GRM5: variants seen among roughly 807,000 people sequenced by gnomAD.
GRM5 encodes glutamate metabotropic receptor 5, also known as metabotropic glutamate receptor 5.
GRM5 carries 19 observed loss-of-function variants against 83.1 expected under a neutral mutation model. The ratio of observed to expected loss-of-function variants is 0.23; its 90% CI spans 0.16 to 0.34. The LOEUF is 0.34. Among genes scored for constraint, GRM5 ranks in the 10% least tolerant of loss-of-function variants. GRM5 has a pLI of 1.00. For missense variants in GRM5, 1,160 were observed against 1,588.3 expected, an observed-to-expected ratio of 0.73 and a Z score of 4.58; for synonymous variants, 675 against 633.6, an observed-to-expected ratio of 1.07 and a Z score of -0.98.
chr11:88,648,653 T>C (rs1235476856), intron 4 of GRM5, among the ~76,000 whole-genome samples: 2 of 148,444 alleles, frequency 1.3e-5, no homozygotes, highest in Non-Finnish European at 3.0e-5. Flanking sequence ...TAAAGTATAA[T>C]AAAAAAAAAA....
intron 4 of GRM5, among the ~76,000 whole-genome samples, chr11:88,644,536 A>C (rs1053416548): frequency 6.6e-6 from 1 of 152,180 alleles, no homozygotes; most frequent in Non-Finnish European, 1.5e-5. Flanking sequence ...TTGTTGATGT[A>C]ATACAGCAAG....
At chr11:88,889,197 T>C (rs1945096221) in intron 2 of GRM5, among the ~76,000 whole-genome samples, 1 of 152,168 alleles carries the variant, frequency 6.6e-6, no homozygotes, top group Non-Finnish European at 1.5e-5. Context: ...GATTTTAATC[T>C]TGTGGCTAGT....
chr11:88,956,136 T>A (rs1235536663), intron 2 of GRM5, among the ~76,000 whole-genome samples: 1 of 152,112 alleles, frequency 6.6e-6, no homozygotes, highest in Non-Finnish European at 1.5e-5. Flanking sequence ...AAGCTTAGAG[T>A]AGCAGATTGG....
chr11:88,514,839 A>G (rs1230042508), intron 9 of GRM5, among the ~76,000 whole-genome samples: 2 of 152,168 alleles, frequency 1.3e-5, no homozygotes, highest in African/African-American at 4.8e-5. Context: ...ATCTCAATTA[A>G]TACATGTATT....
chr11:88,963,981 G>A (rs532910756), intron 2 of GRM5, among the ~76,000 whole-genome samples: 1 of 152,270 alleles, frequency 6.6e-6, no homozygotes, highest in East Asian at 1.9e-4. Flanking sequence ...CACAAGAGAT[G>A]AAGGACACTA....
At chr11:89,017,707 T>G (rs1403651349) in intron 2 of GRM5, among the ~76,000 whole-genome samples, 1 of 152,190 alleles carries the variant, frequency 6.6e-6, no homozygotes, top group Non-Finnish European at 1.5e-5. Context: ...ACAATATGCT[T>G]CTTCTCACAA....
intron 3 of GRM5, among the ~76,000 whole-genome samples, chr11:88,805,667 T>C (rs10831464): frequency 0.32 from 47,974 of 151,982 alleles, 8,042 homozygotes; most frequent in South Asian, 0.54. Context: ...TCAAGCATTC[T>C]TTTAAAAATT....
At chr11:89,033,183 G>T (rs781124435) in intron 2 of GRM5, among the ~76,000 whole-genome samples, 1 of 151,970 alleles carries the variant, frequency 6.6e-6, no homozygotes, top group Non-Finnish European at 1.5e-5. Flanking sequence ...TACAGAAAGT[G>T]CAGGTACAGC....
intron 2 of GRM5, among the ~76,000 whole-genome samples, chr11:88,875,296 C>T: frequency 6.6e-6 from 1 of 151,996 alleles, no homozygotes; most frequent in East Asian, 1.9e-4. Context: ...AAAGCACATT[C>T]TTTGCTTATC....
At chr11:88,971,601 A>C (rs1939166027) in intron 2 of GRM5, among the ~76,000 whole-genome samples, 2 of 152,174 alleles carry the variant, frequency 1.3e-5, no homozygotes, top group African/African-American at 4.8e-5. Flanking sequence ...GTTGCTGTGA[A>C]GGGCACGATC....
chr11:88,941,776 T>C (rs181315132), intron 2 of GRM5, among the ~76,000 whole-genome samples: 18 of 152,190 alleles, frequency 1.2e-4, no homozygotes, highest in African/African-American at 4.3e-4. Flanking sequence ...AACCAAATAA[T>C]GGCACATATA....
chr11:88,681,301 A>G (rs1424989076), intron 3 of GRM5, among the ~76,000 whole-genome samples: 1 of 151,976 alleles, frequency 6.6e-6, no homozygotes, highest in Non-Finnish European at 1.5e-5. Context: ...CCATTCCTTT[A>G]TTAATTCCTT....
At chr11:89,065,436 CCACTTAAATCCCT>C (rs1857998124) in intron 1 of GRM5, among the ~76,000 whole-genome samples, 1 of 151,718 alleles carries the variant, frequency 6.6e-6, no homozygotes, top group Admixed American at 6.6e-5. Flanking sequence ...GGAAACAAGC[CCACTTAAATCCCT>C]CACTTATGCA....
At chr11:88,811,724 TTAAG>T (rs1590875898) in intron 3 of GRM5, among the ~76,000 whole-genome samples, 2 of 152,124 alleles carry the variant, frequency 1.3e-5, no homozygotes, top group African/African-American at 4.8e-5. Flanking sequence ...GTTTTATGTA[TTAAG>T]TGAGATATCT....
At chr11:88,923,691 A>G (rs1333942276) in intron 2 of GRM5, among the ~76,000 whole-genome samples, 2 of 152,056 alleles carry the variant, frequency 1.3e-5, no homozygotes, top group African/African-American at 4.8e-5. Flanking sequence ...AATAACAAAA[A>G]GAGTATAGTT....
At chr11:88,952,137 CA>C (rs1938485424) in intron 2 of GRM5, among the ~76,000 whole-genome samples, 1 of 148,842 alleles carries the variant, frequency 6.7e-6, no homozygotes, top group Non-Finnish European at 1.5e-5. Context: ...CACACACACA[CA>C]CACACACATT....
intron 3 of GRM5, among the ~76,000 whole-genome samples, chr11:88,827,080 AT>A (rs1208477323): frequency 3.3e-4 from 50 of 152,276 alleles, no homozygotes; most frequent in African/African-American, 1.2e-3. Context: ...TAAATAAGCA[AT>A]TTGTACAAAT....
At chr11:88,951,079 G>A (rs1938447045) in intron 2 of GRM5, among the ~76,000 whole-genome samples, 3 of 9,674 alleles carry the variant, frequency 3.1e-4, no homozygotes, top group Admixed American at 5.7e-3. Context: ...AGATTAGAGT[G>A]TGTGTGTGTG....
At chr11:88,975,300 A>T (rs1591011742) in intron 2 of GRM5, among the ~76,000 whole-genome samples, 1 of 152,230 alleles carries the variant, frequency 6.6e-6, no homozygotes, top group South Asian at 2.1e-4. Context: ...AGAGGAAGGG[A>T]GTGAGAAGAC....
Sources: gnomAD v4.1 joint callset for allele counts (sites outside exome capture counted in the v4.1 genomes callset) on GRCh38, gnomAD v4.1.1 for gene constraint, MANE v1.5 for transcripts, NCBI Gene and HGNC (gene_info 2026-07-23, HGNC 2026-07-21) for gene names.